The following CFAP52 variants were observed in gnomAD, a reference collection of about 807,000 sequenced individuals.
The protein encoded by CFAP52 is cilia and flagella associated protein 52, also known as cilia- and flagella-associated protein 52.
Under a neutral mutation model 70.5 loss-of-function variants are expected in CFAP52, and 57 were observed. That is an observed-to-expected ratio of 0.81 (90% CI 0.65 to 1.01). The LOEUF (loss-of-function observed/expected upper bound fraction) is 1.01. Among genes scored for constraint, CFAP52 ranks in the 50% least tolerant of loss-of-function variants. The pLI is 0.00. For missense variants in CFAP52, 785 were observed against 788.5 expected, an observed-to-expected ratio of 1.00 and a Z score of 0.05; for synonymous variants, 267 against 292.5, an observed-to-expected ratio of 0.91 and a Z score of 0.89.
chr17:9,631,052 G>GAAAGAAATAAAGAAAGAA (rs1555544296), intron 9 of CFAP52, among the ~76,000 whole-genome samples: 2 of 37,958 alleles, frequency 5.3e-5, no homozygotes, highest in South Asian at 2.7e-3. Context: ...GAGAGAGAGA[G>GAAAGAAATAAAGAAAGAA]AGAAAGAAAG....
intron 11 of CFAP52, among the ~76,000 whole-genome samples, chr17:9,637,000 G>A (rs112446338): frequency 0.016 from 2,407 of 152,050 alleles, 76 homozygotes; most frequent in African/African-American, 0.055. Flanking sequence ...AGCTGAGATC[G>A]CACCACTGCA....
In CFAP52 at chr17:9,588,747, T is replaced by C. The variant is rs1471699001; in HGVS notation, c.407+1913T>C. Among the ~76,000 whole-genome samples the C allele has an allele frequency of 1.9e-4, 29 of 150,400 alleles. 1 individual carries two copies. The Admixed American group carries it at 2.0e-3, about 10-fold the overall frequency. ...TGAGGTATGCTCCTTCCATACCCAA[T>C]AGAATATTTTTTAGCCACAGAAAAG... On this transcript the variant is annotated intron_variant, in intron 3 of 13. Coordinates refer to ENST00000352665, the MANE Select transcript of CFAP52 (RefSeq NM_145054.5).
intron 8 of CFAP52, among the ~76,000 whole-genome samples, chr17:9,623,562 G>T (rs1910125036): frequency 6.6e-6 from 1 of 152,150 alleles, no homozygotes; most frequent in South Asian, 2.1e-4. Context: ...AAAATGTCTT[G>T]TGTGCTTACT....
rs183348498 is a variant in CFAP52, at chr17:9,601,426, A to T, written c.753+1243A>T. ...TAAAGTATAATAATAATAAAATTTTAAAAAAAGTACCACATTTATGTTCAC... is the reference window on the plus strand; with the variant it reads ...TAAAGTATAATAATAATAAAATTTTTAAAAAAGTACCACATTTATGTTCAC... On this transcript the variant is annotated intron_variant, in intron 6 of 13. Coordinates refer to ENST00000352665, the MANE Select transcript of CFAP52 (RefSeq NM_145054.5). Among the ~76,000 whole-genome samples the T allele has an allele frequency of 7.5e-3, 1,142 of 152,248 alleles. 10 individuals carry two copies. Among genetic ancestry groups the T allele is most frequent in the Middle Eastern group, 0.014 (4 of 294 alleles).
intron 3 of CFAP52, among the ~76,000 whole-genome samples, chr17:9,589,238 G>C (rs1908633038): frequency 6.6e-6 from 1 of 152,160 alleles, no homozygotes; most frequent in Non-Finnish European, 1.5e-5. Context: ...TAATACTTCA[G>C]TACACTTCTA....
intron 7 of CFAP52, chr17:9,610,442 G>A (rs1483500189): frequency 6.6e-6 from 1 of 152,170 alleles, no homozygotes; most frequent in Non-Finnish European, 1.5e-5. Flanking sequence ...AGATTGAAAA[G>A]GCTGCTCACA....
chr17:9,624,866 C>T (rs888236189), intron 8 of CFAP52, among the ~76,000 whole-genome samples: 6 of 152,182 alleles, frequency 3.9e-5, no homozygotes, highest in South Asian at 2.1e-4. Context: ...CTGTTATTCT[C>T]ATGACTTCCC....
At chr17:9,633,551 A>C (rs907310541) in intron 10 of CFAP52, among the ~76,000 whole-genome samples, 1 of 152,174 alleles carries the variant, frequency 6.6e-6, no homozygotes. Context: ...GGACGTTTAC[A>C]ATACAGACAT....
At chr17:9,609,886 G>A (rs1051868111) in intron 7 of CFAP52, among the ~76,000 whole-genome samples, 2 of 152,006 alleles carry the variant, frequency 1.3e-5, no homozygotes, top group African/African-American at 2.4e-5. Context: ...GCTCAAGTTT[G>A]AAAGCCACAG....
chr17:9,634,997 G>A (rs1197428988), intron 10 of CFAP52, among the ~76,000 whole-genome samples: 1 of 152,186 alleles, frequency 6.6e-6, no homozygotes, highest in Non-Finnish European at 1.5e-5. Context: ...AGCTGATTGT[G>A]AAAGTTTAAA....
intron 6 of CFAP52, among the ~76,000 whole-genome samples, chr17:9,600,481 G>C (rs551110715): frequency 2.0e-5 from 3 of 152,222 alleles, no homozygotes; most frequent in African/African-American, 7.2e-5. Flanking sequence ...GACCTCAAGT[G>C]ATCTGCCCAC....
intron 8 of CFAP52, among the ~76,000 whole-genome samples, chr17:9,615,761 A>T (rs1282387356): frequency 7.0e-6 from 1 of 143,476 alleles, no homozygotes; most frequent in African/African-American, 2.6e-5. Flanking sequence ...GGCATGTACC[A>T]CCATGCCCAG....
At chr17:9,586,243 T>C (rs776599920) in intron 2 of CFAP52, among the ~76,000 whole-genome samples, 11 of 152,068 alleles carry the variant, frequency 7.2e-5, no homozygotes, top group Non-Finnish European at 1.5e-4. Flanking sequence ...CTGTCATGTT[T>C]GTAGAACCTG....
intron 9 of CFAP52, 81 bp downstream of exon 9, chr17:9,628,901 T>G: frequency 2.5e-6 from 4 of 1,580,756 alleles, no homozygotes; most frequent in Non-Finnish European, 3.5e-6. Flanking sequence ...TACTAGTCTC[T>G]ACATGTGGAT....
rs1484109936 is a variant in CFAP52, at chr17:9,586,780, C to T, written c.353C>T (p.Ala118Val). The T allele has an allele frequency of 3.1e-6, 5 of 1,613,840 alleles. No individual in the cohort carries two copies. Among genetic ancestry groups the T allele is most frequent in the African/African-American group, 2.7e-5 (2 of 74,982 alleles). The change falls in exon 3 of 14, where the codon GCC (alanine) becomes GTC (valine). Residue 118 changes from alanine to valine, a missense_variant. Ala to Val is a moderately conservative substitution (Grantham distance 64, BLOSUM62 0). Transcript: ENST00000352665. ...SLHKGKIEAL[A>V]FSPNDLYLVS... ...CACAAAGGCAAAATTGAAGCTCTGG[C>T]CTTTTCTCCAAATGATTTGTACTTG...
chr17:9,630,465 T>A (rs1910425260), intron 9 of CFAP52, among the ~76,000 whole-genome samples: 2 of 148,034 alleles, frequency 1.4e-5, no homozygotes, highest in Non-Finnish European at 3.0e-5. Flanking sequence ...AGTCTTTTTC[T>A]GTCTCCCAGG....
At chr17:9,587,619 C>G (rs1280597706) in intron 3 of CFAP52, among the ~76,000 whole-genome samples, 1 of 152,054 alleles carries the variant, frequency 6.6e-6, no homozygotes, top group African/African-American at 2.4e-5. Flanking sequence ...CTCTAATGAC[C>G]AGTGATATTG....
chr17:9,589,060 C>T (rs967650684), intron 3 of CFAP52, among the ~76,000 whole-genome samples: 3 of 152,066 alleles, frequency 2.0e-5, no homozygotes, highest in African/African-American at 7.2e-5. Flanking sequence ...GAAGATTGCA[C>T]CACTGCACTC....
At chr17:9,585,721 T>C in intron 1 of CFAP52, 52 bp from the exon 2 acceptor site, 1 of 1,575,578 alleles carries the variant, frequency 6.3e-7, no homozygotes, top group Non-Finnish European at 8.7e-7. Flanking sequence ...AGTAGAAAAT[T>C]CCTGGCCACT....
Sources: gnomAD v4.1 joint callset for allele counts (sites outside exome capture counted in the v4.1 genomes callset) on GRCh38, gnomAD v4.1.1 for gene constraint, MANE v1.5 for transcripts, NCBI Gene and HGNC (gene_info 2026-07-23, HGNC 2026-07-21) for gene names.